PTPN13: variants seen among roughly 807,000 people sequenced by gnomAD.
PTPN13 encodes protein tyrosine phosphatase non-receptor type 13, also known as tyrosine-protein phosphatase non-receptor type 13.
In PTPN13, 191 loss-of-function variants were observed where a neutral mutation model predicts 284.0. That is an observed-to-expected ratio of 0.67 (90% CI 0.60 to 0.76). The LOEUF is 0.76. Ranked by LOEUF, PTPN13 falls within the 30% of genes least tolerant of loss-of-function variation. The pLI is 0.00. For missense variants in PTPN13, 2,797 were observed against 2,939.9 expected (o/e 0.95, Z 1.12); for synonymous variants, 986 against 1,022.3 (o/e 0.96, Z 0.68).
chr4:86,681,117 G>A (rs1383988851), intron 3 of PTPN13, among the ~76,000 whole-genome samples: 1 of 152,186 alleles, frequency 6.6e-6, no homozygotes, highest in Non-Finnish European at 1.5e-5. Flanking sequence ...GGGACACATA[G>A]TCTGTGTTCC....
At chr4:86,793,304 C>G (rs141620659) in intron 40 of PTPN13, among the ~76,000 whole-genome samples, 17 of 152,320 alleles carry the variant, frequency 1.1e-4, no homozygotes, top group African/African-American at 4.1e-4. Context: ...GAAGAACTAA[C>G]TATCCTAAAT....
In PTPN13 at chr4:86,799,178, G is replaced by T; in HGVS notation, c.6479G>T (p.Arg2160Ile). The change falls in exon 42 of 48, where the codon AGA becomes ATA. Residue 2160 changes from arginine to isoleucine, a missense_variant. Physicochemically the swap from Arg to Ile is moderately conservative, Grantham distance 97. Transcript: ENST00000411767. The stretch of plus-strand genomic sequence containing the variant: ...GGAAATGATGAGTTGCCAATAGAGA[G>T]AACAAACCATGAAGATTCTGATAAA... ...TWGNDELPIE[R>I]TNHEDSDKDH... 6.3e-7 allele frequency: 1 copy of T among 1,576,084 alleles called. No homozygotes were observed. Among genetic ancestry groups the T allele is most frequent in the African/African-American group, 1.4e-5 (1 of 73,758 alleles).
At chr4:86,660,279 C>T (rs1328788267) in intron 2 of PTPN13, among the ~76,000 whole-genome samples, 1 of 151,820 alleles carries the variant, frequency 6.6e-6, no homozygotes, top group Non-Finnish European at 1.5e-5. Flanking sequence ...TAGCAATAAT[C>T]ACAAAATAAA....
At chr4:86,723,257 C>T (rs928186438) in intron 10 of PTPN13, among the ~76,000 whole-genome samples, 4 of 152,172 alleles carry the variant, frequency 2.6e-5, no homozygotes, top group African/African-American at 9.7e-5. Flanking sequence ...AAGCAGGGCT[C>T]CACAGGCCAG....
intron 23 of PTPN13, among the ~76,000 whole-genome samples, chr4:86,759,961 G>GT (rs1738473371): frequency 6.6e-6 from 1 of 151,924 alleles, no homozygotes; most frequent in African/African-American, 2.4e-5. Context: ...AAAAGAATTA[G>GT]TAAAAAAAAT....
intron 24 of PTPN13, among the ~76,000 whole-genome samples, chr4:86,763,860 C>T (rs990594662): frequency 6.6e-6 from 1 of 151,594 alleles, no homozygotes; most frequent in Admixed American, 6.6e-5. Context: ...TCGAGCCAGA[C>T]CCTAACAGAA....
At position 86,730,926 on chromosome 4, in the gene PTPN13, G is replaced by A. The variant is rs535635567; in HGVS notation, c.1609-1474G>A. 3.9e-5 allele frequency among the ~76,000 whole-genome samples: 6 copies of A among 152,008 alleles called. No individual in the cohort carries two copies. In the South Asian group the frequency reaches 8.3e-4, roughly 21 times the overall value. Reference sequence around the variant, plus strand: ...CTGCAGACTGGAGCTGTTCCTATTCGGCTATCTTCCACTTTCATTCTTTCT... The same window carrying A: ...CTGCAGACTGGAGCTGTTCCTATTCAGCTATCTTCCACTTTCATTCTTTCT... On this transcript the variant is annotated intron_variant, in intron 10 of 47. Transcript: ENST00000411767.
chr4:86,709,670 T>C (rs1732160224), intron 7 of PTPN13, among the ~76,000 whole-genome samples: 1 of 152,136 alleles, frequency 6.6e-6, no homozygotes, highest in East Asian at 1.9e-4. Context: ...TCTGTACTCT[T>C]TGAAAGTTTT....
In PTPN13 at chr4:86,772,800, G is replaced by A. The variant is rs776177711; in HGVS notation, c.5191G>A (p.Asp1731Asn). ...EDSNPSPLPP[D>N]MAPGQSYQPQ... Reference sequence around the variant, plus strand: ...TAGTAATCCTTCCCCTCTACCACCGGATATGGCTCCTGGGCAGAGTTATCA... The same window carrying A: ...TAGTAATCCTTCCCCTCTACCACCGAATATGGCTCCTGGGCAGAGTTATCA... Residue 1731 changes from aspartate to asparagine, a missense_variant, in exon 32 of 48, where the codon GAT (aspartate) becomes AAT (asparagine). Physicochemically the swap from Asp to Asn is conservative, Grantham distance 23 (BLOSUM62 1). Coordinates refer to ENST00000411767, the MANE Select transcript of PTPN13 (RefSeq NM_080683.3). 2 of 1,608,506 alleles carry A rather than the reference G, an allele frequency of 1.2e-6. No individual in the cohort carries two copies. The highest frequency in any genetic ancestry group is 1.3e-5 in the African/African-American group (1 of 74,674).
chr4:86,772,945 A>G lies in PTPN13; in HGVS notation c.5336A>G (p.Glu1779Gly). The part of the protein sequence containing the change: ...PLKNDLENHL[E>G]DFELEVELLI... ...AAAAATGACTTGGAAAATCACCTTG[A>G]AGACTTTGAACTGGTAAGTTGTTTT... The change falls in exon 32 of 48, where the codon GAA becomes GGA. Residue 1779 changes from glutamate (E) to glycine (G), a missense_variant. Glu to Gly is a moderately conservative substitution (Grantham distance 98, BLOSUM62 -2). Transcript: ENST00000411767. 6.3e-7 allele frequency: 1 copy of G among 1,599,394 alleles called. No homozygotes were observed. Among genetic ancestry groups the G allele is most frequent in the Non-Finnish European group, 8.5e-7 (1 of 1,173,134 alleles).
At chr4:86,775,758 G>A in intron 35 of PTPN13, 106 bp downstream of exon 35, 1 of 920,982 alleles carries the variant, frequency 1.1e-6, no homozygotes, top group Non-Finnish European at 1.6e-6. Flanking sequence ...GTAATTCATA[G>A]ACTAAATTGG....
intron 2 of PTPN13, among the ~76,000 whole-genome samples, chr4:86,654,336 GGGGA>G (rs1725481379): frequency 2.0e-5 from 3 of 152,164 alleles, no homozygotes; most frequent in Non-Finnish European, 4.4e-5. Context: ...AAATGATAAA[GGGGA>G]TATCACCACT....
intron 2 of PTPN13, among the ~76,000 whole-genome samples, chr4:86,666,088 G>A (rs1727040654): frequency 6.6e-6 from 1 of 152,076 alleles, no homozygotes; most frequent in Non-Finnish European, 1.5e-5. Flanking sequence ...GCACAGAGGG[G>A]CTAAATAACT....
intron 1 of PTPN13, among the ~76,000 whole-genome samples, chr4:86,625,583 T>C (rs1238689124): frequency 2.0e-5 from 3 of 152,158 alleles, no homozygotes; most frequent in Non-Finnish European, 4.4e-5. Flanking sequence ...TGTATGTGTG[T>C]GTGTTTAATG....
chr4:86,741,731 G>T lies in PTPN13; in HGVS notation c.2402G>T (p.Gly801Val). Residue 801 changes from glycine to valine, a missense_variant, in exon 16 of 48, where the codon GGT becomes GTT. Physicochemically the swap from Gly to Val is moderately radical, Grantham distance 109. Transcript: ENST00000411767. ...TGILLGVCSK[G>V]VLVFEVHNGV... ...ATATTGCTTGGAGTCTGTTCTAAAGGTGTCCTTGTGTTTGAAGTTCACAAT... is the reference window on the plus strand; with the variant it reads ...ATATTGCTTGGAGTCTGTTCTAAAGTTGTCCTTGTGTTTGAAGTTCACAAT... 6.2e-7 allele frequency: 1 copy of T among 1,613,546 alleles called. No individual in the cohort carries two copies. Among genetic ancestry groups the T allele is most frequent in the Non-Finnish European group, 8.5e-7 (1 of 1,179,690 alleles).
chr4:86,670,025 G>A (rs1370080621), intron 2 of PTPN13, among the ~76,000 whole-genome samples: 1 of 151,642 alleles, frequency 6.6e-6, no homozygotes, highest in Non-Finnish European at 1.5e-5. Flanking sequence ...AGAAGTGTTA[G>A]AGGGATGTTA....
rs61757794 is a variant in PTPN13 at position 86,772,867 on chromosome 4, A to G, written c.5258A>G (p.Tyr1753Cys). The change falls in exon 32 of 48, where the codon TAT (tyrosine) becomes TGT (cysteine). Residue 1753 changes from tyrosine to cysteine, a missense_variant. Transcript: ENST00000411767. The stretch of plus-strand genomic sequence containing the variant: ...GCTTCCTCTAGTTCGATGGATAAGT[A>G]TCATATACATCACATTTCTGAACCA... ...ESASSSSMDK[Y>C]HIHHISEPTR... The G allele has an allele frequency of 2.5e-6, 4 of 1,612,066 alleles. No individual in the cohort carries two copies. The highest frequency in any genetic ancestry group is 3.4e-6 in the Non-Finnish European group (4 of 1,178,264).
intron 1 of PTPN13, among the ~76,000 whole-genome samples, chr4:86,610,767 C>T (rs1765193122): frequency 6.6e-6 from 1 of 152,192 alleles, no homozygotes; most frequent in Non-Finnish European, 1.5e-5. Context: ...CCAAATAAAG[C>T]CCATGGGCCA....
chr4:86,706,566 C>G (rs545620574), intron 7 of PTPN13, among the ~76,000 whole-genome samples: 1 of 151,914 alleles, frequency 6.6e-6, no homozygotes, highest in African/African-American at 2.4e-5. Context: ...CTACTATGGT[C>G]GAATCTTTAA....
Sources: allele counts gnomAD v4.1 joint callset (sites outside exome capture counted in the v4.1 genomes callset), GRCh38; gene constraint gnomAD v4.1.1; transcripts MANE v1.5; gene names NCBI Gene and HGNC (gene_info 2026-07-23, HGNC 2026-07-21).